Variants in SOX5 observed in about 807,000 individuals in gnomAD.
The protein encoded by SOX5 is transcription factor SOX-5.
A neutral mutation model predicts 92.0 loss-of-function variants in SOX5; 9 were observed. That is an observed-to-expected ratio of 0.10 (90% CI 0.06 to 0.17). The LOEUF (loss-of-function observed/expected upper bound fraction) is 0.17. Ranked by LOEUF, SOX5 falls within the 10% of genes least tolerant of loss-of-function variation. SOX5 has a pLI of 1.00. For synonymous variants in SOX5, 344 were observed against 336.3 expected (o/e 1.02, Z -0.25); for missense variants, 642 against 944.5 (o/e 0.68, Z 4.20).
At chr12:24,118,968 G>A (rs568874918) in intron 4 of SOX5, among the ~76,000 whole-genome samples, 1 of 152,230 alleles carries the variant, frequency 6.6e-6, no homozygotes, top group East Asian at 1.9e-4. Flanking sequence ...GTCATAAAAT[G>A]TATTAATGAT....
intron 4 of SOX5, among the ~76,000 whole-genome samples, chr12:23,992,869 G>A (rs753354129): frequency 3.9e-5 from 6 of 152,106 alleles, no homozygotes; most frequent in Non-Finnish European, 7.4e-5. Context: ...AAGCATGCAT[G>A]ACAAAAGACA....
intron 3 of SOX5, chr12:24,227,564 T>C (rs544789343): frequency 6.6e-6 from 1 of 152,342 alleles, no homozygotes; most frequent in South Asian, 2.1e-4. Flanking sequence ...AATTCACTTG[T>C]ATCATTTATA....
At chr12:24,030,279 T>C (rs912255305) in intron 4 of SOX5, among the ~76,000 whole-genome samples, 2 of 151,966 alleles carry the variant, frequency 1.3e-5, no homozygotes, top group African/African-American at 2.4e-5. Context: ...AGCATCATAC[T>C]ACCTAACTTT....
intron 4 of SOX5, among the ~76,000 whole-genome samples, chr12:23,979,683 CATATAT>C (rs200671303): frequency 8.7e-6 from 1 of 114,474 alleles, no homozygotes; most frequent in Non-Finnish European, 1.8e-5. Flanking sequence ...TTCTTCCTTC[CATATAT>C]ATATATATGT....
chr12:24,192,178 G>A (rs1956588565), intron 4 of SOX5, among the ~76,000 whole-genome samples: 1 of 152,150 alleles, frequency 6.6e-6, no homozygotes, highest in Non-Finnish European at 1.5e-5. Context: ...TATTAGTTTG[G>A]AAATGATAGA....
chr12:23,889,332 C>G (rs2097104530), intron 2 of SOX5, among the ~76,000 whole-genome samples: 1 of 151,972 alleles, frequency 6.6e-6, no homozygotes, highest in South Asian at 2.1e-4. Flanking sequence ...TAATTAAGGC[C>G]CTATTCTGTG....
intron 4 of SOX5, among the ~76,000 whole-genome samples, chr12:24,123,163 C>T (rs1948792839): frequency 6.6e-6 from 1 of 152,164 alleles, no homozygotes; most frequent in African/African-American, 2.4e-5. Context: ...TTCCTCAGTG[C>T]CCATTTCTTC....
chr12:23,772,984 T>C (rs1404091856), intron 3 of SOX5, among the ~76,000 whole-genome samples: 3 of 152,148 alleles, frequency 2.0e-5, no homozygotes, highest in Non-Finnish European at 2.9e-5. Flanking sequence ...ATAATATCAG[T>C]CTTCATTTAC....
chr12:23,902,529 G>A (rs948840698), intron 1 of SOX5, among the ~76,000 whole-genome samples: 9 of 152,066 alleles, frequency 5.9e-5, no homozygotes, highest in Non-Finnish European at 1.2e-4. Flanking sequence ...AAGCAACATT[G>A]TCCAATCTCA....
intron 3 of SOX5, among the ~76,000 whole-genome samples, chr12:24,236,522 T>C (rs146537746): frequency 1.4e-3 from 209 of 152,348 alleles, no homozygotes; most frequent in Non-Finnish European, 2.6e-3. Context: ...AGCTAATTTC[T>C]GATTCACTGC....
At chr12:23,575,882 A>AT (rs1949024140) in intron 9 of SOX5, 44 bp from the exon 10 acceptor site, 1 of 1,463,644 alleles carries the variant, frequency 6.8e-7, no homozygotes. Flanking sequence ...GGAAAGGCTG[A>AT]TAAAAAATGC....
chr12:23,937,139 T>C (rs908734563), intron 1 of SOX5, among the ~76,000 whole-genome samples: 1 of 150,990 alleles, frequency 6.6e-6, no homozygotes, highest in Non-Finnish European at 1.5e-5. Flanking sequence ...AATAGCTTGA[T>C]TTTCCTAATG....
chr12:23,852,525 C>T (rs774150632), intron 2 of SOX5, among the ~76,000 whole-genome samples: 2 of 151,964 alleles, frequency 1.3e-5, no homozygotes, highest in South Asian at 2.1e-4. Flanking sequence ...TTAAAGATTG[C>T]TATTCAACAG....
At chr12:24,385,926 C>CAAAAAAAAAAAAA (rs35813329) in intron 1 of SOX5, among the ~76,000 whole-genome samples, 37 of 73,368 alleles carry the variant, frequency 5.0e-4, no homozygotes, top group Non-Finnish European at 6.3e-4. Context: ...GACCTTGTCA[C>CAAAAAAAAAAAAA]AAAAAAAAAA....
chr12:24,454,818 G>A (rs1942804078), intron 1 of SOX5, among the ~76,000 whole-genome samples: 1 of 152,030 alleles, frequency 6.6e-6, no homozygotes, highest in African/African-American at 2.4e-5. Context: ...TAGGTTAAAA[G>A]TCTGCAGCCT....
rs1555456188 is a variant in SOX5, at chr12:23,970,841, AT to A, written c.-1-74818del. Among the ~76,000 whole-genome samples the A allele has an allele frequency of 4.6e-4, 10 of 21,884 alleles. 1 individual carries two copies. Among genetic ancestry groups the A allele is most frequent in the African/African-American group, 1.1e-3 (9 of 8,042 alleles). The allele number at this position is 21,884 out of a possible 152,430, so 14.4% of individuals were successfully genotyped here. On this transcript the variant is annotated intron_variant, in intron 4 of 4. Coordinates refer to the SOX5 transcript ENST00000446891. The stretch of plus-strand genomic sequence containing the variant: ...ACATGGGACTTTATATATATATATA[AT>A]TTTTTTTTTTTTTTAAGAAATGGGC...
At chr12:23,736,805 C>T (rs1193153298) in intron 5 of SOX5, among the ~76,000 whole-genome samples, 2 of 151,590 alleles carry the variant, frequency 1.3e-5, no homozygotes, top group East Asian at 3.9e-4. Context: ...ATTCATCTGC[C>T]TCAGCCTCCC....
chr12:23,631,275 A>C (rs904959209), intron 8 of SOX5, among the ~76,000 whole-genome samples: 1 of 152,082 alleles, frequency 6.6e-6, no homozygotes, highest in Admixed American at 6.6e-5. Context: ...ATTTGTCTTC[A>C]TAAAATATTC....
intron 2 of SOX5, among the ~76,000 whole-genome samples, chr12:23,853,057 G>A (rs1210733952): frequency 6.6e-6 from 1 of 151,560 alleles, no homozygotes; most frequent in East Asian, 1.9e-4. Flanking sequence ...ATATATTCCA[G>A]GGAGGAAAAG....
Sources: allele counts gnomAD v4.1 joint callset (sites outside exome capture counted in the v4.1 genomes callset), GRCh38; gene constraint gnomAD v4.1.1; transcripts MANE v1.5; gene names NCBI Gene and HGNC (gene_info 2026-07-23, HGNC 2026-07-21).